ACTN1: variants seen among roughly 807,000 people sequenced by gnomAD.
ACTN1 encodes alpha-actinin-1.
ACTN1 carries 30 observed loss-of-function variants against 119.6 expected under a neutral mutation model. That is an observed-to-expected ratio of 0.25 (90% confidence interval 0.19 to 0.34). The LOEUF (loss-of-function observed/expected upper bound fraction) is 0.34, where lower values mean the gene tolerates loss of function less well. Among genes scored for constraint, ACTN1 ranks in the 10% least tolerant of loss-of-function variants. ACTN1 has a pLI of 1.00. For synonymous variants in ACTN1, 429 were observed against 472.6 expected (o/e 0.91, Z 1.20); for missense variants, 764 against 1,223.4 (o/e 0.62, Z 5.60).
rs1404249415 is a variant in ACTN1 at position 68,882,311 on chromosome 14, C to T, written c.1953+147G>A. ...GGCTTCTTCACATAGGCCCCCATAG[C>T]CTTCTACAGAACAGCAGACCCACGG... On this transcript the variant is annotated intron_variant, in intron 16 of 21. Coordinates refer to ENST00000394419, the MANE Select transcript of ACTN1 (RefSeq NM_001130004.2). The surrounding 1 kb of genome is among the most constrained non-coding windows in gnomAD (Gnocchi z 4.5). The T allele has an allele frequency of 3.7e-6, 4 of 1,082,048 alleles. No individual in the cohort carries two copies. Among genetic ancestry groups the T allele is most frequent in the Non-Finnish European group, 5.3e-6 (4 of 758,160 alleles). The allele number at this position is 1,082,048 out of a possible 1,614,324, so 67.0% of individuals were successfully genotyped here. A position where few individuals can be genotyped will look rare whatever the true frequency, so the allele number is the denominator to read the frequency against.
chr14:68,880,835 T>C lies in ACTN1; in HGVS notation c.2108A>G (p.Asn703Ser), dbSNP rs751123192. The change falls in exon 17 of 22, where the codon AAC becomes AGC. Residue 703 changes from asparagine to serine, a missense_variant. Around this residue, in one of 4 missense-constraint regions of ACTN1, gnomAD observed 544 missense variants for 912.0 expected, o/e 0.60. Coordinates refer to ENST00000394419, the MANE Select transcript of ACTN1 (RefSeq NM_001130004.2). The surrounding 1 kb of genome is among the most constrained non-coding windows in gnomAD (Gnocchi z 4.6). ...QLIQEALIFD[N>S]KHTNYTMEHI... ...CTCCATGGTGTAGTTGGTGTGCTTGTTGTCGAAGATGAGCGCCTCCTGGAT... is the reference window on the plus strand; with the variant it reads ...CTCCATGGTGTAGTTGGTGTGCTTGCTGTCGAAGATGAGCGCCTCCTGGAT... The C allele has an allele frequency of 1.9e-6, 3 of 1,614,036 alleles. No individual in the cohort carries two copies. The highest frequency in any genetic ancestry group is 1.7e-5 in the Admixed American group (1 of 60,002).
intron 1 of ACTN1, among the ~76,000 whole-genome samples, chr14:68,930,990 C>G (rs1251563367): frequency 6.6e-6 from 1 of 152,204 alleles, no homozygotes; most frequent in African/African-American, 2.4e-5. Flanking sequence ...GGGTGAGAGG[C>G]TTTCCCCAGT....
Position 68,978,928 on chromosome 14 carries a change from CAGCG to C in ACTN1, c.105+20_105+23del. On this transcript the variant is annotated intron_variant, in intron 1 of 21. Transcript: ENST00000394419. ...GCTGGGGGCTGGGGGCTGGGGGCTGCAGCGGGCGGGGGCGGCTGCTAACCTTTCT... is the reference window on the plus strand; with the variant it reads ...GCTGGGGGCTGGGGGCTGGGGGCTGCGGCGGGGGCGGCTGCTAACCTTTCT... 2 of 1,430,226 alleles carry C rather than the reference CAGCG, an allele frequency of 1.4e-6. No homozygotes were observed. The highest frequency in any genetic ancestry group is 9.5e-7 in the Non-Finnish European group (1 of 1,057,610). 88.6% of individuals were successfully genotyped at this position (1,430,226 alleles called of 1,614,324 possible). A position where few individuals can be genotyped will look rare whatever the true frequency, so the allele number is the denominator to read the frequency against.
chr14:68,875,100 GGCGTGAAGGCA>G (rs751345444), intron 21 of ACTN1, 83 bp from the exon 22 acceptor site: 1 of 1,581,086 alleles, frequency 6.3e-7, no homozygotes, highest in South Asian at 1.1e-5. Context: ...AAAGCCTGGC[GGCGTGAAGGCA>G]GCATGTGCCG....
chr14:68,957,849 C>T lies in ACTN1; in HGVS notation c.105+21103G>A, dbSNP rs530727736. On this transcript the variant is annotated intron_variant, in intron 1 of 21. Coordinates refer to ENST00000394419, the MANE Select transcript of ACTN1 (RefSeq NM_001130004.2). ...CTGGCCCAGAGAATGTCTGGTTCAGCGAAGTGAAGAGAGGGAAGTGAGAGA... is the reference window on the plus strand; with the variant it reads ...CTGGCCCAGAGAATGTCTGGTTCAGTGAAGTGAAGAGAGGGAAGTGAGAGA... Among the ~76,000 whole-genome samples the T allele has an allele frequency of 1.2e-4, 19 of 152,254 alleles. No individual in the cohort carries two copies. In the South Asian group the frequency reaches 3.3e-3, roughly 27 times the overall value.
chr14:68,927,767 C>T (rs1258559129), intron 1 of ACTN1, among the ~76,000 whole-genome samples: 1 of 152,192 alleles, frequency 6.6e-6, no homozygotes, highest in African/African-American at 2.4e-5. Context: ...ATTTTAACTT[C>T]TTTTTATTGG....
intron 1 of ACTN1, among the ~76,000 whole-genome samples, chr14:68,953,431 T>C (rs1653083661): frequency 6.6e-6 from 1 of 152,104 alleles, no homozygotes; most frequent in Non-Finnish European, 1.5e-5. Context: ...GGACATCTTA[T>C]CTCCCCAGCA....
At chr14:68,975,836 G>A (rs911899579) in intron 1 of ACTN1, among the ~76,000 whole-genome samples, 28 of 152,156 alleles carry the variant, frequency 1.8e-4, no homozygotes, top group Non-Finnish European at 2.6e-4. Flanking sequence ...GACAAGCCTC[G>A]GCCAAGCCAG....
chr14:68,881,660 A>T (rs181461), intron 16 of ACTN1, among the ~76,000 whole-genome samples: 11,697 of 152,168 alleles, frequency 0.077, 555 homozygotes, highest in East Asian at 0.13. Flanking sequence ...CTCTGTTCTT[A>T]AGGAACTCAG....
At chr14:68,910,839 C>T (rs57968327) in intron 4 of ACTN1, among the ~76,000 whole-genome samples, 63 of 152,292 alleles carry the variant, frequency 4.1e-4, no homozygotes, top group African/African-American at 1.5e-3. Context: ...TAAGGGGAAA[C>T]CCCTTTCACT....
chr14:68,947,694 G>C (rs1303296895), intron 1 of ACTN1: 3 of 152,318 alleles, frequency 2.0e-5, no homozygotes, highest in South Asian at 4.1e-4. Flanking sequence ...TCCCACAGGA[G>C]AAAGGGGCAT....
At chr14:68,926,334 T>G (rs1022360617) in intron 1 of ACTN1, among the ~76,000 whole-genome samples, 1 of 152,212 alleles carries the variant, frequency 6.6e-6, no homozygotes, top group Non-Finnish European at 1.5e-5. Flanking sequence ...ATCAGCTTCA[T>G]AGTTACTTCT....
chr14:68,959,617 A>T (rs554771434), intron 1 of ACTN1, among the ~76,000 whole-genome samples: 1 of 152,370 alleles, frequency 6.6e-6, no homozygotes, highest in East Asian at 1.9e-4. Context: ...AATAAGCAAG[A>T]CATAGCAAAT....
chr14:68,961,024 A>G (rs1381723806), intron 1 of ACTN1, among the ~76,000 whole-genome samples: 3 of 152,328 alleles, frequency 2.0e-5, no homozygotes, highest in African/African-American at 7.2e-5. Context: ...GAGCTATGAC[A>G]GCACCACTGC....
chr14:68,944,669 AG>A lies in ACTN1; in HGVS notation c.106-18998del, dbSNP rs763139988. On this transcript the variant is annotated intron_variant, in intron 1 of 21. Transcript: ENST00000394419. Reference sequence around the variant, plus strand: ...CCCTGAACTGATCCTGGGGGGCTGTAGGGGGGCAGTGTGTCTGATCACTGCC... The same window carrying A: ...CCCTGAACTGATCCTGGGGGGCTGTAGGGGGCAGTGTGTCTGATCACTGCC... Among the ~76,000 whole-genome samples, 81 of 152,114 alleles carry A rather than the reference AG, an allele frequency of 5.3e-4. 1 individual carries two copies. Among genetic ancestry groups the A allele is most frequent in the Middle Eastern group, 6.3e-3 (2 of 316 alleles).
intron 1 of ACTN1, among the ~76,000 whole-genome samples, chr14:68,956,230 C>G (rs1333091946): frequency 6.6e-6 from 1 of 152,096 alleles, no homozygotes; most frequent in South Asian, 2.1e-4. Context: ...CTCTGGGAAG[C>G]AGAGGGAGGG....
chr14:68,937,289 T>G (rs2035575021), intron 1 of ACTN1, among the ~76,000 whole-genome samples: 1 of 152,192 alleles, frequency 6.6e-6, no homozygotes, highest in African/African-American at 2.4e-5. Flanking sequence ...TTAATTGTTA[T>G]GTCAGACCTC....
At chr14:68,938,596 C>G (rs1359999244) in intron 1 of ACTN1, among the ~76,000 whole-genome samples, 1 of 152,180 alleles carries the variant, frequency 6.6e-6, no homozygotes, top group Non-Finnish European at 1.5e-5. Flanking sequence ...GTTAACCCAG[C>G]AGGTCCTCAC....
intron 8 of ACTN1, 31 bp from the exon 9 acceptor site, chr14:68,893,778 G>A: frequency 6.2e-7 from 1 of 1,608,846 alleles, no homozygotes; most frequent in Non-Finnish European, 8.5e-7. Flanking sequence ...GTCACGACCA[G>A]CCAGCCCCAG....
Sources: gnomAD v4.1 joint callset for allele counts (sites outside exome capture counted in the v4.1 genomes callset) on GRCh38, gnomAD v4.1.1 for gene constraint, gnomAD v4.1.1 regional missense constraint, Gnocchi (gnomAD v3.1) non-coding constraint, MANE v1.5 for transcripts, NCBI Gene and HGNC (gene_info 2026-07-23, HGNC 2026-07-21) for gene names.